ANTXR1: variants seen among roughly 807,000 people sequenced by gnomAD.
ANTXR1 encodes the protein ANTXR cell adhesion molecule 1, also known as anthrax toxin receptor 1.
Under a neutral mutation model 78.1 loss-of-function variants are expected in ANTXR1, and 19 were observed. The observed-to-expected ratio is 0.24, with a 90% CI of 0.17 to 0.36. ANTXR1 has a LOEUF of 0.36. Ranked by LOEUF, ANTXR1 falls within the 10% of genes least tolerant of loss-of-function variation. ANTXR1 has a pLI of 1.00. For missense variants in ANTXR1, 518 were observed against 718.6 expected (o/e 0.72, Z 3.19); for synonymous variants, 273 against 260.5 (o/e 1.05, Z -0.46).
chr2:69,051,561 G>A (rs537958072), intron 3 of ANTXR1, among the ~76,000 whole-genome samples: 14 of 151,718 alleles, frequency 9.2e-5, no homozygotes, highest in African/African-American at 2.2e-4. Context: ...CTATTTTTTA[G>A]TTTATTAATT....
chr2:69,092,616 G>T (rs1671275971), intron 9 of ANTXR1, among the ~76,000 whole-genome samples: 1 of 152,210 alleles, frequency 6.6e-6, no homozygotes, highest in Non-Finnish European at 1.5e-5. Flanking sequence ...CCACACAGAT[G>T]GCAGGGGTAA....
At chr2:69,157,148 C>T (rs1673549504) in intron 13 of ANTXR1, among the ~76,000 whole-genome samples, 1 of 152,112 alleles carries the variant, frequency 6.6e-6, no homozygotes, top group African/African-American at 2.4e-5. Flanking sequence ...TCTTCTTTAC[C>T]TCTTTCAGCA....
At chr2:69,037,642 G>C (rs1263201054) in intron 1 of ANTXR1, among the ~76,000 whole-genome samples, 6 of 152,004 alleles carry the variant, frequency 3.9e-5, no homozygotes, top group Non-Finnish European at 8.8e-5. Context: ...GCTAATTTTT[G>C]TATTTTTAGT....
At chr2:69,230,801 A>G (rs1330311832) in intron 17 of ANTXR1, among the ~76,000 whole-genome samples, 1 of 152,012 alleles carries the variant, frequency 6.6e-6, no homozygotes, top group Non-Finnish European at 1.5e-5. Context: ...AACAATCTAT[A>G]TTTCTTTTAA....
intron 3 of ANTXR1, among the ~76,000 whole-genome samples, chr2:69,053,226 G>A (rs1669975678): frequency 6.6e-6 from 1 of 152,134 alleles, no homozygotes; most frequent in Non-Finnish European, 1.5e-5. Flanking sequence ...AAGTTCTGCA[G>A]CAGATCATGC....
chr2:69,043,710 C>A (rs1422302324), intron 2 of ANTXR1, among the ~76,000 whole-genome samples: 1 of 152,130 alleles, frequency 6.6e-6, no homozygotes, highest in Non-Finnish European at 1.5e-5. Context: ...AGATAAGTGA[C>A]AGGTTCTAAT....
chr2:69,154,018 C>A (rs1673464947), intron 13 of ANTXR1, among the ~76,000 whole-genome samples: 1 of 152,248 alleles, frequency 6.6e-6, no homozygotes, highest in Non-Finnish European at 1.5e-5. Flanking sequence ...ATAGTAACTG[C>A]TGTATATTAT....
intron 12 of ANTXR1, among the ~76,000 whole-genome samples, chr2:69,138,381 C>T (rs986304122): frequency 6.6e-6 from 1 of 152,178 alleles, no homozygotes; most frequent in African/African-American, 2.4e-5. Flanking sequence ...TACAGTCATA[C>T]TGCACTAAAT....
intron 17 of ANTXR1, among the ~76,000 whole-genome samples, chr2:69,213,637 C>A (rs1427041098): frequency 6.6e-6 from 1 of 152,258 alleles, no homozygotes; most frequent in Non-Finnish European, 1.5e-5. Context: ...GAGCTCCACC[C>A]TGGAAAAGCT....
chr2:69,128,177 A>T (rs955718388), intron 12 of ANTXR1, among the ~76,000 whole-genome samples: 1 of 151,956 alleles, frequency 6.6e-6, no homozygotes, highest in African/African-American at 2.4e-5. Context: ...GTGAGCTGAG[A>T]TCATGCCACT....
intron 10 of ANTXR1, among the ~76,000 whole-genome samples, chr2:69,105,754 AT>A (rs1011197516): frequency 1.4e-4 from 21 of 151,988 alleles, no homozygotes; most frequent in Non-Finnish European, 1.5e-4. Context: ...TTTTTTCAAG[AT>A]TTTTTTTCCT....
intron 3 of ANTXR1, among the ~76,000 whole-genome samples, chr2:69,052,342 C>T (rs1265725370): frequency 6.6e-6 from 1 of 151,774 alleles, no homozygotes; most frequent in African/African-American, 2.4e-5. Context: ...TATAAGTCAC[C>T]ATTTATATGA....
At chr2:69,195,210 A>G (rs1305005597) in intron 17 of ANTXR1, among the ~76,000 whole-genome samples, 1 of 152,006 alleles carries the variant, frequency 6.6e-6, no homozygotes, top group East Asian at 1.9e-4. Context: ...ATGCTCAATC[A>G]ATGACAGATA....
chr2:69,183,591 T>TG (rs1674338607), intron 16 of ANTXR1, among the ~76,000 whole-genome samples: 2 of 143,426 alleles, frequency 1.4e-5, no homozygotes, highest in African/African-American at 5.3e-5. Context: ...TTTTTTTTTT[T>TG]TTTTTTTTGA....
rs1200071703 is a variant in ANTXR1, at chr2:69,245,505, G to A, written c.*20G>A. 5 of 1,612,932 alleles carry A rather than the reference G, an allele frequency of 3.1e-6. No homozygotes were observed. The highest frequency in any genetic ancestry group is 1.7e-5 in the Admixed American group (1 of 59,828). ...GTCTAGAGCCCAAAGTTCCTGCTCT[G>A]GGCTCTCTCAGAAACTTCAGGAGAT... On this transcript the variant is annotated 3_prime_UTR_variant, in exon 18 of 18. Coordinates refer to ENST00000303714, the MANE Select transcript of ANTXR1 (RefSeq NM_032208.3).
chr2:69,033,963 G>A (rs975304134), intron 1 of ANTXR1, among the ~76,000 whole-genome samples: 5 of 152,172 alleles, frequency 3.3e-5, no homozygotes, highest in Non-Finnish European at 7.4e-5. Context: ...CACATAAACA[G>A]AAAAGAATGC....
At position 69,082,896 on chromosome 2, in the gene ANTXR1, A is replaced by C. The variant is rs375716986; in HGVS notation, c.642+5408A>C. ...GCACATAGAGCTTTCTGCATGTTTG[A>C]TCAACAATAAACAACAAGCATTGAG... On this transcript the variant is annotated intron_variant, in intron 8 of 17. Transcript: ENST00000303714. Among the ~76,000 whole-genome samples the C allele has an allele frequency of 1.8e-4, 28 of 152,334 alleles. 1 individual carries two copies. Among genetic ancestry groups the C allele is most frequent in the African/African-American group, 6.7e-4 (28 of 41,578 alleles).
In ANTXR1 at chr2:69,189,427, G is replaced by A. The variant is rs73934784; in HGVS notation, c.1354-3908G>A. ...GCAAAACCAGAGCACAGAGGGGTTA[G>A]GTAACTTACCCAAATTCACACTGGC... On this transcript the variant is annotated intron_variant, in intron 16 of 17. Transcript: ENST00000303714. 8.1e-3 allele frequency among the ~76,000 whole-genome samples: 1,238 copies of A among 152,332 alleles called. 22 individuals are homozygous for A. Among genetic ancestry groups the A allele is most frequent in the African/African-American group, 0.027 (1,122 of 41,564 alleles).
chr2:69,103,982 A>G (rs957534087), intron 10 of ANTXR1, among the ~76,000 whole-genome samples: 3 of 141,160 alleles, frequency 2.1e-5, no homozygotes, highest in African/African-American at 2.8e-5. Flanking sequence ...TCTGTTGTCC[A>G]GGCTGGAGTA....
Sources: allele counts gnomAD v4.1 joint callset (sites outside exome capture counted in the v4.1 genomes callset), GRCh38; gene constraint gnomAD v4.1.1; transcripts MANE v1.5; gene names NCBI Gene and HGNC (gene_info 2026-07-23, HGNC 2026-07-21).